Variants in CREB3L2 observed in about 807,000 individuals in gnomAD.
The protein encoded by CREB3L2 is cyclic AMP-responsive element-binding protein 3-like protein 2.
Under a neutral mutation model 57.2 loss-of-function variants are expected in CREB3L2, and 23 were observed. That is an observed-to-expected ratio of 0.40 (90% CI 0.29 to 0.57). The LOEUF (loss-of-function observed/expected upper bound fraction) is 0.57, where lower values mean the gene tolerates loss of function less well. Among genes scored for constraint, CREB3L2 ranks in the 20% least tolerant of loss-of-function variants. CREB3L2 has a pLI of 0.42. For missense variants in CREB3L2, 628 were observed against 634.7 expected (o/e 0.99, Z 0.11); for synonymous variants, 268 against 265.1 (o/e 1.01, Z -0.11).
Position 137,921,801 on chromosome 7 carries a change from C to T in CREB3L2, c.320-5789G>A, listed in dbSNP as rs1019850612. Among the ~76,000 whole-genome samples the T allele has an allele frequency of 3.3e-5, 5 of 152,200 alleles. No homozygotes were observed. In the South Asian group the frequency reaches 1.0e-3, roughly 32 times the overall value. ...ATATATGAAAGGTTAAAGATCTCCA[C>T]AGGTAGACACTCTATGTCCACCTTT... is the stretch of plus-strand genomic sequence containing the variant. On this transcript the variant is annotated intron_variant, in intron 2 of 11. Transcript: ENST00000330387.
rs10534110 is a variant in CREB3L2 at position 137,876,331 on chromosome 7, CGTGTGTGTGTGTGT to C, written c.*4131_*4144del. ...TGAGCATGTAAGGGAGGAATGTGCA[CGTGTGTGTGTGTGT>C]GTGTGTGTGTGTGTGTGTGTGTGTC... On this transcript the variant is annotated 3_prime_UTR_variant, in exon 12 of 12. Transcript: ENST00000330387. 39 of 223,266 alleles carry C rather than the reference CGTGTGTGTGTGTGT, an allele frequency of 1.7e-4. No homozygotes were observed. The highest frequency in any genetic ancestry group is 4.8e-4 in the African/African-American group (21 of 43,626). The allele number at this position is 223,266 out of a possible 1,614,324, so 13.8% of individuals were successfully genotyped here. A position where few individuals can be genotyped will look rare whatever the true frequency, so the allele number is the denominator to read the frequency against.
intron 2 of CREB3L2, among the ~76,000 whole-genome samples, chr7:137,925,048 T>C (rs1217513816): frequency 2.0e-5 from 3 of 152,176 alleles, no homozygotes; most frequent in Admixed American, 2.0e-4. Context: ...AAGTCTGTGA[T>C]AGAATGATAG....
At chr7:137,953,405 G>C (rs1375486687) in intron 1 of CREB3L2, 2 of 1,169,064 alleles carry the variant, frequency 1.7e-6, no homozygotes. Context: ...CTCCAGTCTA[G>C]CTGAGGCCTG....
intron 1 of CREB3L2, among the ~76,000 whole-genome samples, chr7:137,958,143 GTAGAGTT>G (rs1172794088): frequency 6.6e-5 from 10 of 152,186 alleles, no homozygotes; most frequent in Non-Finnish European, 1.5e-4. Flanking sequence ...TGGGAAGAGA[GTAGAGTT>G]TACAGGCCAG....
chr7:137,880,157 A>G lies in CREB3L2; in HGVS notation c.*319T>C. 2.4e-6 allele frequency: 1 copy of G among 417,670 alleles called. No homozygotes were observed. Among genetic ancestry groups the G allele is most frequent in the South Asian group, 2.9e-5 (1 of 34,808 alleles). 25.9% of individuals were successfully genotyped at this position (417,670 alleles called of 1,614,324 possible). A position where few individuals can be genotyped will look rare whatever the true frequency, so the allele number is the denominator to read the frequency against. ...GCGGGGGGTTACACCTCACAGGTGCACATTAGGCAATATCTTTTTGGCACT... is the reference window on the plus strand; with the variant it reads ...GCGGGGGGTTACACCTCACAGGTGCGCATTAGGCAATATCTTTTTGGCACT... On this transcript the variant is annotated 3_prime_UTR_variant, in exon 12 of 12. Coordinates refer to ENST00000330387, the MANE Select transcript of CREB3L2 (RefSeq NM_194071.4). The surrounding 1 kb of genome is among the most constrained non-coding windows in gnomAD (Gnocchi z 4.0).
At chr7:137,896,532 C>T (rs149375269) in intron 8 of CREB3L2, among the ~76,000 whole-genome samples, 2 of 152,288 alleles carry the variant, frequency 1.3e-5, no homozygotes, top group African/African-American at 4.8e-5. Context: ...AACTCCCAAC[C>T]TCAGGTGATT....
At position 137,876,920 on chromosome 7, in the gene CREB3L2, T is replaced by C; in HGVS notation, c.*3556A>G. The C allele has an allele frequency of 4.3e-6, 1 of 232,410 alleles. No homozygotes were observed. The highest frequency in any genetic ancestry group is 8.5e-6 in the Non-Finnish European group (1 of 117,492). 14.4% of individuals were successfully genotyped at this position (232,410 alleles called of 1,614,324 possible). ...ACTGGGGGTGGGATGTCTCCATTTC[T>C]GGACTGTGCTCAAATTCACACCTTG... On this transcript the variant is annotated 3_prime_UTR_variant, in exon 12 of 12. Transcript: ENST00000330387.
chr7:137,921,392 C>G (rs1752091230), intron 2 of CREB3L2, among the ~76,000 whole-genome samples: 1 of 152,186 alleles, frequency 6.6e-6, no homozygotes, highest in African/African-American at 2.4e-5. Context: ...AGCCACTGAT[C>G]GTGGTGAGAA....
chr7:137,921,657 A>T (rs1231638294), intron 2 of CREB3L2, among the ~76,000 whole-genome samples: 2 of 152,238 alleles, frequency 1.3e-5, no homozygotes, highest in East Asian at 3.8e-4. Flanking sequence ...CATTATCTTG[A>T]TATATTATGA....
intron 1 of CREB3L2, among the ~76,000 whole-genome samples, chr7:137,985,204 G>A (rs1394975514): frequency 1.3e-5 from 2 of 152,176 alleles, no homozygotes; most frequent in Non-Finnish European, 2.9e-5. Context: ...TATAACCTCT[G>A]TTTGATAAAA....
At chr7:137,947,333 C>G (rs1801016071) in intron 1 of CREB3L2, among the ~76,000 whole-genome samples, 1 of 152,128 alleles carries the variant, frequency 6.6e-6, no homozygotes, top group African/African-American at 2.4e-5. Context: ...TACCCACTAA[C>G]TGGCTACATC....
chr7:137,947,110 C>A (rs1801011912), intron 1 of CREB3L2, among the ~76,000 whole-genome samples: 1 of 149,240 alleles, frequency 6.7e-6, no homozygotes. Context: ...CTCGCTCTCT[C>A]TCTTCCCTCC....
At chr7:137,968,794 T>A (rs1801452380) in intron 1 of CREB3L2, among the ~76,000 whole-genome samples, 1 of 152,154 alleles carries the variant, frequency 6.6e-6, no homozygotes, top group African/African-American at 2.4e-5. Flanking sequence ...TCCCAACTCA[T>A]AAATGAATCC....
intron 8 of CREB3L2, among the ~76,000 whole-genome samples, chr7:137,889,676 T>A (rs549601391): frequency 6.6e-6 from 1 of 152,292 alleles, no homozygotes; most frequent in Admixed American, 6.5e-5. Context: ...CAAGGCCCCA[T>A]CAATCAGCAA....
intron 8 of CREB3L2, among the ~76,000 whole-genome samples, chr7:137,887,532 C>A (rs1183156600): frequency 6.6e-6 from 1 of 152,064 alleles, no homozygotes; most frequent in Non-Finnish European, 1.5e-5. Context: ...CATAGTAAAA[C>A]CCTCATCTCT....
In CREB3L2 at chr7:137,879,497, C is replaced by T. The variant is rs1393839778; in HGVS notation, c.*979G>A. The T allele has an allele frequency of 6.1e-6, 2 of 329,946 alleles. No individual in the cohort carries two copies. The highest frequency in any genetic ancestry group is 1.2e-5 in the Non-Finnish European group (2 of 173,714). 20.4% of individuals were successfully genotyped at this position (329,946 alleles called of 1,614,324 possible). On this transcript the variant is annotated 3_prime_UTR_variant, in exon 12 of 12. Coordinates refer to ENST00000330387, the MANE Select transcript of CREB3L2 (RefSeq NM_194071.4). Reference sequence around the variant, plus strand: ...CTGAGTGAGGCATTGTGTCATCTCTCGCTCTGAGCTCATCCTAGAGGCAGA... The same window carrying T: ...CTGAGTGAGGCATTGTGTCATCTCTTGCTCTGAGCTCATCCTAGAGGCAGA...
At chr7:137,953,653 A>G in intron 1 of CREB3L2, 1 of 570,286 alleles carries the variant, frequency 1.8e-6, no homozygotes, top group South Asian at 1.6e-5. Flanking sequence ...AAGGCTGGGA[A>G]GGGGTAGACA....
chr7:137,900,986 C>G (rs1339655812), intron 8 of CREB3L2, among the ~76,000 whole-genome samples: 2 of 151,980 alleles, frequency 1.3e-5, no homozygotes, highest in African/African-American at 4.8e-5. Context: ...CTTTTTTAAC[C>G]CCCTAGTCAT....
At chr7:137,929,390 T>C (rs1800557388) in intron 1 of CREB3L2, among the ~76,000 whole-genome samples, 1 of 152,046 alleles carries the variant, frequency 6.6e-6, no homozygotes, top group African/African-American at 2.4e-5. Flanking sequence ...GGTGGGGCAT[T>C]GTTTTGTGCA....
Sources: allele counts gnomAD v4.1 joint callset (sites outside exome capture counted in the v4.1 genomes callset), GRCh38; gene constraint gnomAD v4.1.1; non-coding constraint Gnocchi (gnomAD v3.1); transcripts MANE v1.5; gene names NCBI Gene and HGNC (gene_info 2026-07-23, HGNC 2026-07-21).